Variants in OXR1 observed in about 807,000 individuals in gnomAD.
OXR1 encodes oxidation resistance 1.
In OXR1, 41 loss-of-function variants were observed where a neutral mutation model predicts 104.6. That is an observed-to-expected ratio of 0.39 (90% CI 0.31 to 0.51). The LOEUF (loss-of-function observed/expected upper bound fraction) is 0.51, where lower values mean the gene tolerates loss of function less well. OXR1 is among the 20% of genes least tolerant of loss of function. The pLI, the probability that OXR1 is intolerant of heterozygous loss-of-function variation, is 0.77. For missense variants in OXR1, 955 were observed against 1,031.9 expected (o/e 0.93, Z 1.02); for synonymous variants, 348 against 348.4 (o/e 1.00, Z 0.01).
At chr8:106,627,630 T>C (rs1822284070) in intron 3 of OXR1, among the ~76,000 whole-genome samples, 1 of 152,186 alleles carries the variant, frequency 6.6e-6, no homozygotes. Context: ...AGGGAATCTT[T>C]CTACTTCTTC....
At chr8:106,379,803 A>C (rs1171728489) in intron 2 of OXR1, among the ~76,000 whole-genome samples, 1 of 151,952 alleles carries the variant, frequency 6.6e-6, no homozygotes, top group East Asian at 1.9e-4. Context: ...TTGCCCTCCT[A>C]AAGTGCTGGG....
At chr8:106,697,294 G>T in intron 7 of OXR1, 1 of 751,144 alleles carries the variant, frequency 1.3e-6, no homozygotes, top group Non-Finnish European at 2.2e-6. Context: ...GATAGGACAG[G>T]CTGAACCCCT....
intron 3 of OXR1, among the ~76,000 whole-genome samples, chr8:106,586,272 C>T (rs1022046913): frequency 1.3e-5 from 2 of 151,802 alleles, no homozygotes; most frequent in African/African-American, 4.8e-5. Context: ...AGAGCGGACA[C>T]ATTTTCCTGG....
At chr8:106,388,412 G>A (rs1248046526) in intron 2 of OXR1, among the ~76,000 whole-genome samples, 1 of 151,740 alleles carries the variant, frequency 6.6e-6, no homozygotes, top group Non-Finnish European at 1.5e-5. Context: ...AGGTCTCACA[G>A]GACTTTCAGT....
chr8:106,702,758 TA>T, intron 7 of OXR1, 147 bp from the exon 8 acceptor site: 1 of 564,644 alleles, frequency 1.8e-6, no homozygotes, highest in Non-Finnish European at 2.9e-6. Flanking sequence ...TGGGTTTTAA[TA>T]AAAATGGTTT....
At chr8:106,493,934 T>C (rs1019971736) in intron 2 of OXR1, among the ~76,000 whole-genome samples, 1 of 152,170 alleles carries the variant, frequency 6.6e-6, no homozygotes, top group African/African-American at 2.4e-5. Context: ...GTTTACATGG[T>C]CTTGACTAAT....
chr8:106,405,202 A>AGTGT lies in OXR1; in HGVS notation c.23+45601_23+45604dup, dbSNP rs58338664. On this transcript the variant is annotated intron_variant, in intron 2 of 16. Coordinates refer to ENST00000517566, the MANE Select transcript of OXR1 (RefSeq NM_001198533.2). The stretch of plus-strand genomic sequence containing the variant: ...TATATATATATATATATATATATAT[A>AGTGT]GTGTGTGTGTGTGTGTGTGTGTGTG... Among the ~76,000 whole-genome samples the AGTGT allele has an allele frequency of 5.0e-3, 99 of 19,924 alleles. 2 individuals carry two copies. The highest frequency in any genetic ancestry group is 0.039 in the South Asian group (15 of 384). 13.1% of individuals were successfully genotyped at this position (19,924 alleles called of 152,430 possible).
chr8:106,562,200 C>T (rs1402244390), intron 3 of OXR1, among the ~76,000 whole-genome samples: 1 of 151,950 alleles, frequency 6.6e-6, no homozygotes, highest in East Asian at 1.9e-4. Flanking sequence ...ATGTTCTAAC[C>T]CATAGCAAGG....
At chr8:106,581,265 A>G in intron 3 of OXR1, 1 of 1,284,202 alleles carries the variant, frequency 7.8e-7, no homozygotes, top group Non-Finnish European at 1.0e-6. Flanking sequence ...AGTTTCTGAA[A>G]TCATGCCTTT....
intron 1 of OXR1, among the ~76,000 whole-genome samples, chr8:106,355,443 T>TA (rs1460902501): frequency 7.2e-5 from 11 of 152,252 alleles, no homozygotes; most frequent in Admixed American, 5.9e-4. Context: ...CAGGGTTTTT[T>TA]AAAAAAATCA....
At chr8:106,458,347 C>A (rs1820719503) in intron 2 of OXR1, among the ~76,000 whole-genome samples, 1 of 152,128 alleles carries the variant, frequency 6.6e-6, no homozygotes, top group Admixed American at 6.5e-5. Flanking sequence ...AGATGTGGCT[C>A]AACCTGCTGC....
At chr8:106,415,747 TTGTC>T (rs1329300575) in intron 2 of OXR1, among the ~76,000 whole-genome samples, 1 of 152,144 alleles carries the variant, frequency 6.6e-6, no homozygotes, top group Admixed American at 6.6e-5. Flanking sequence ...TTTTGCCTCT[TTGTC>T]TGCATTCCAA....
At chr8:106,312,719 T>G (rs1218541591) in intron 1 of OXR1, among the ~76,000 whole-genome samples, 1 of 152,190 alleles carries the variant, frequency 6.6e-6, no homozygotes, top group African/African-American at 2.4e-5. Context: ...CAAATGTCAG[T>G]TTTTTGAAAG....
intron 3 of OXR1, among the ~76,000 whole-genome samples, chr8:106,664,856 C>A (rs1339076067): frequency 6.6e-6 from 1 of 152,192 alleles, no homozygotes; most frequent in Non-Finnish European, 1.5e-5. Flanking sequence ...CCTCCTTTGA[C>A]ATCATCAATA....
intron 14 of OXR1, among the ~76,000 whole-genome samples, chr8:106,741,285 T>C (rs1004995039): frequency 6.6e-5 from 10 of 152,148 alleles, no homozygotes; most frequent in African/African-American, 2.4e-4. Flanking sequence ...AGTAACTTTC[T>C]TATGATTTCA....
chr8:106,694,084 C>A (rs1386689706), intron 7 of OXR1, among the ~76,000 whole-genome samples: 1 of 151,908 alleles, frequency 6.6e-6, no homozygotes, highest in East Asian at 1.9e-4. Flanking sequence ...CTGTCTTTTA[C>A]TAATTTCTAA....
intron 2 of OXR1, among the ~76,000 whole-genome samples, chr8:106,479,094 G>A (rs1821963424): frequency 6.6e-6 from 1 of 151,834 alleles, no homozygotes; most frequent in Non-Finnish European, 1.5e-5. Flanking sequence ...CTTTTCAATA[G>A]GTTGTTTCAC....
chr8:106,679,021 T>G (rs1827881155), intron 3 of OXR1, among the ~76,000 whole-genome samples, 189 bp from the exon 4 acceptor site: 1 of 152,010 alleles, frequency 6.6e-6, no homozygotes, highest in Non-Finnish European at 1.5e-5. Flanking sequence ...GTTAAGTTCC[T>G]AAAGCAAGCA....
intron 2 of OXR1, among the ~76,000 whole-genome samples, chr8:106,465,627 C>T (rs1402916397): frequency 6.6e-6 from 1 of 151,606 alleles, no homozygotes; most frequent in African/African-American, 2.4e-5. Context: ...GAAAGTATAC[C>T]CTGCAAGATT....
Sources: allele counts gnomAD v4.1 joint callset (sites outside exome capture counted in the v4.1 genomes callset), GRCh38; gene constraint gnomAD v4.1.1; transcripts MANE v1.5; gene names NCBI Gene and HGNC (gene_info 2026-07-23, HGNC 2026-07-21).